Variants in SLC4A7 observed in about 807,000 individuals in gnomAD.
The protein encoded by SLC4A7 is solute carrier family 4 member 7, also known as sodium bicarbonate cotransporter 3.
A neutral mutation model predicts 137.6 loss-of-function variants in SLC4A7; 51 were observed. The observed-to-expected ratio is 0.37, with a 90% confidence interval of 0.30 to 0.47. The LOEUF (loss-of-function observed/expected upper bound fraction) is 0.47. Among genes scored for constraint, SLC4A7 ranks in the 20% least tolerant of loss-of-function variants. SLC4A7 has a pLI of 1.00. For synonymous variants in SLC4A7, 542 were observed against 518.6 expected, an observed-to-expected ratio of 1.05 and a Z score of -0.61; for missense variants, 1,247 against 1,525.4, an observed-to-expected ratio of 0.82 and a Z score of 3.04.
chr3:27,452,981 G>T (rs2058177073), intron 1 of SLC4A7, among the ~76,000 whole-genome samples: 1 of 152,150 alleles, frequency 6.6e-6, no homozygotes, highest in Admixed American at 6.5e-5. Context: ...CACTTTAACT[G>T]ATTAATCAAG....
chr3:27,441,167 C>G (rs1390892994), intron 3 of SLC4A7, among the ~76,000 whole-genome samples: 2 of 152,162 alleles, frequency 1.3e-5, no homozygotes, highest in African/African-American at 4.8e-5. Flanking sequence ...TATCACTCAG[C>G]CTACCACTCC....
intron 7 of SLC4A7, among the ~76,000 whole-genome samples, chr3:27,425,406 G>C (rs2055473200): frequency 7.2e-6 from 1 of 137,978 alleles, no homozygotes; most frequent in Non-Finnish European, 1.5e-5. Context: ...GCCAGGCGCT[G>C]TGGCTCACCC....
intron 5 of SLC4A7, among the ~76,000 whole-genome samples, chr3:27,435,988 T>G (rs1178835884): frequency 6.6e-6 from 1 of 152,218 alleles, no homozygotes; most frequent in Admixed American, 6.5e-5. Flanking sequence ...TGTCTATACT[T>G]CTCTAGACTT....
At chr3:27,478,418 T>C (rs1236718101) in intron 1 of SLC4A7, among the ~76,000 whole-genome samples, 1 of 147,708 alleles carries the variant, frequency 6.8e-6, no homozygotes, top group African/African-American at 2.5e-5. Context: ...CCTGGGAGGC[T>C]GAGGCAGGAG....
chr3:27,429,988 G>A (rs1408531507), intron 7 of SLC4A7, among the ~76,000 whole-genome samples: 1 of 152,222 alleles, frequency 6.6e-6, no homozygotes, highest in Non-Finnish European at 1.5e-5. Context: ...GGCTACGGCA[G>A]GAGGATTGCT....
At chr3:27,418,733 T>A in intron 10 of SLC4A7, 101 bp from the exon 11 acceptor site, 3 of 704,966 alleles carry the variant, frequency 4.3e-6, no homozygotes, top group Non-Finnish European at 7.1e-6. Context: ...ACAATAAAGA[T>A]AACCCCTAAA....
At chr3:27,419,587 C>T (rs146376117) in intron 10 of SLC4A7, among the ~76,000 whole-genome samples, 4,791 of 150,898 alleles carry the variant, frequency 0.032, 260 homozygotes, top group African/African-American at 0.11. Context: ...CCACCCACCT[C>T]GGCCTCCCAA....
chr3:27,388,596 T>G (rs556980437), intron 22 of SLC4A7, among the ~76,000 whole-genome samples: 38 of 152,270 alleles, frequency 2.5e-4, no homozygotes, highest in African/African-American at 9.1e-4. Context: ...AATAATCCAT[T>G]TGTTCCAGGT....
At chr3:27,380,046 C>T (rs528973915) in intron 24 of SLC4A7, among the ~76,000 whole-genome samples, 70 of 152,294 alleles carry the variant, frequency 4.6e-4, no homozygotes, top group Middle Eastern at 3.4e-3. Context: ...TGGTGGCTCA[C>T]GCCTATAATC....
intron 16 of SLC4A7, among the ~76,000 whole-genome samples, chr3:27,399,630 C>T (rs1024155710): frequency 4.7e-5 from 7 of 148,366 alleles, no homozygotes; most frequent in Admixed American, 3.3e-4. Flanking sequence ...TGGTGCCTTG[C>T]TATGTTGCCC....
intron 16 of SLC4A7, among the ~76,000 whole-genome samples, chr3:27,399,626 C>T (rs1268900355): frequency 6.7e-6 from 1 of 149,356 alleles, no homozygotes; most frequent in African/African-American, 2.5e-5. Context: ...GAGATGGTGC[C>T]TTGCTATGTT....
At chr3:27,387,261 T>C (rs961866555) in intron 22 of SLC4A7, among the ~76,000 whole-genome samples, 2 of 152,202 alleles carry the variant, frequency 1.3e-5, no homozygotes, top group Non-Finnish European at 2.9e-5. Flanking sequence ...CTAGTAGTTA[T>C]GTCTTTCTTT....
intron 1 of SLC4A7, among the ~76,000 whole-genome samples, chr3:27,474,158 A>C (rs1486535282): frequency 6.6e-6 from 1 of 152,172 alleles, no homozygotes; most frequent in Non-Finnish European, 1.5e-5. Flanking sequence ...ATCAAAACAG[A>C]ATTAAGCTAT....
At chr3:27,478,698 C>T (rs2059576473) in intron 1 of SLC4A7, among the ~76,000 whole-genome samples, 1 of 151,488 alleles carries the variant, frequency 6.6e-6, no homozygotes, top group Non-Finnish European at 1.5e-5. Flanking sequence ...CTTAAAACCG[C>T]CAAACTAGGC....
intron 7 of SLC4A7, among the ~76,000 whole-genome samples, chr3:27,426,840 T>C (rs2055679895): frequency 6.6e-6 from 1 of 152,128 alleles, no homozygotes; most frequent in Non-Finnish European, 1.5e-5. Flanking sequence ...CAGTAAAGTC[T>C]CCCTGCTCCT....
chr3:27,409,300 C>T, intron 13 of SLC4A7, 56 bp downstream of exon 13: 1 of 1,341,520 alleles, frequency 7.5e-7, no homozygotes, highest in Non-Finnish European at 1.0e-6. Flanking sequence ...CAAATGCATA[C>T]AGACACTTGC....
intron 7 of SLC4A7, among the ~76,000 whole-genome samples, chr3:27,425,968 C>G (rs1035865021): frequency 6.6e-6 from 1 of 152,100 alleles, no homozygotes; most frequent in Non-Finnish European, 1.5e-5. Context: ...TGGTTAGATT[C>G]TATAAGCTCT....
intron 1 of SLC4A7, among the ~76,000 whole-genome samples, chr3:27,479,640 A>G (rs891478576): frequency 6.6e-6 from 1 of 152,210 alleles, no homozygotes; most frequent in Non-Finnish European, 1.5e-5. Context: ...TATAATTGCA[A>G]ATAGTCCTAA....
chr3:27,380,084 G>A (rs531367038), intron 24 of SLC4A7, among the ~76,000 whole-genome samples: 203 of 152,200 alleles, frequency 1.3e-3, no homozygotes, highest in Non-Finnish European at 2.0e-3. Context: ...CAAGGCGGGC[G>A]GATCACGAGG....
Sources: allele counts gnomAD v4.1 joint callset (sites outside exome capture counted in the v4.1 genomes callset), GRCh38; gene constraint gnomAD v4.1.1; transcripts MANE v1.5; gene names NCBI Gene and HGNC (gene_info 2026-07-23, HGNC 2026-07-21).